The following CD300LB variants were observed in gnomAD, a reference collection of about 807,000 sequenced individuals.
The protein encoded by CD300LB is CD300 molecule like family member b.
CD300LB carries 18 observed loss-of-function variants against 20.8 expected under a neutral mutation model. The ratio of observed to expected loss-of-function variants is 0.87; its 90% CI spans 0.60 to 1.28. CD300LB has a LOEUF of 1.28. Ranked by LOEUF, CD300LB falls within the 50% of genes most tolerant of loss-of-function variation. The pLI is 0.00. For missense variants in CD300LB, 222 were observed against 251.8 expected (o/e 0.88, Z 0.80); for synonymous variants, 91 against 91.3 (o/e 1.00, Z 0.02).
Position 74,522,570 on chromosome 17 carries a change from C to T in CD300LB, c.*168G>A. 1 of 1,423,770 alleles carries T rather than the reference C, an allele frequency of 7.0e-7. No individual in the cohort carries two copies. Among genetic ancestry groups the T allele is most frequent in the South Asian group, 1.5e-5 (1 of 67,136 alleles). The allele number at this position is 1,423,770 out of a possible 1,614,324, so 88.2% of individuals were successfully genotyped here. On this transcript the variant is annotated 3_prime_UTR_variant, in exon 4 of 4. Coordinates refer to ENST00000392621, the MANE Select transcript of CD300LB (RefSeq NM_174892.4). The stretch of plus-strand genomic sequence containing the variant: ...GCTCAGGAGAGGACCTGGCTAAGTC[C>T]CTGAGCTGTGCAGAACAGGGAGGTG...
Position 74,525,809 on chromosome 17 carries a change from C to G in CD300LB, c.309G>C (p.Trp103Cys). Residue 103 changes from tryptophan (W) to cysteine (C), a missense_variant, in exon 2 of 4, where the codon TGG (tryptophan) becomes TGC (cysteine). Coordinates refer to ENST00000392621, the MANE Select transcript of CD300LB (RefSeq NM_174892.4). The stretch of plus-strand genomic sequence containing the variant: ...CAGGTCCTCTTCTTTCAATCCCACA[C>G]CAGTAAACATCTGCGTCATCTCGCC... Reference protein sequence around the residue: ...GLRRDDADVYWCGIERRGPDL... With the variant: ...GLRRDDADVYCCGIERRGPDL... 2 of 1,614,174 alleles carry G rather than the reference C, an allele frequency of 1.2e-6. No homozygotes were observed. The highest frequency in any genetic ancestry group is 1.7e-6 in the Non-Finnish European group (2 of 1,180,040).
At chr17:74,523,797 A>T in intron 2 of CD300LB, 146 bp from the exon 3 acceptor site, 1 of 652,574 alleles carries the variant, frequency 1.5e-6, no homozygotes, top group South Asian at 1.6e-5. Context: ...ACAGCCCCTC[A>T]TGCTTCTACT....
rs140942306 is a variant in CD300LB at position 74,521,696 on chromosome 17, C to G, written c.*1042G>C. On this transcript the variant is annotated 3_prime_UTR_variant, in exon 4 of 4. Transcript: ENST00000392621. The stretch of plus-strand genomic sequence containing the variant: ...CATGGGTGTTCAAAGGGCAACATGC[C>G]GAACATGTGTGGTGTGTTTGCTTGT... 1 of 985,180 alleles carries G rather than the reference C, an allele frequency of 1.0e-6. No individual in the cohort carries two copies. Among genetic ancestry groups the G allele is most frequent in the African/African-American group, 1.8e-5 (1 of 57,092 alleles). 61.0% of individuals were successfully genotyped at this position (985,180 alleles called of 1,614,324 possible).
In CD300LB at chr17:74,525,994, A is replaced by G. The variant is rs779424173; in HGVS notation, c.124T>C (p.Trp42Arg). ...CACCACCACTTAATGTAGGTCTCCC[A>G]TCCTTGCTTATAGTGGCATTGAACC... ...LTVQCHYKQG[W>R]ETYIKWWCRG... Residue 42 changes from tryptophan to arginine, a missense_variant, in exon 2 of 4, where the codon TGG (tryptophan) becomes CGG (arginine). Coordinates refer to ENST00000392621, the MANE Select transcript of CD300LB (RefSeq NM_174892.4). 1.2e-6 allele frequency: 2 copies of G among 1,614,102 alleles called. No homozygotes were observed. Among genetic ancestry groups the G allele is most frequent in the Admixed American group, 1.7e-5 (1 of 60,008 alleles).
intron 1 of CD300LB, among the ~76,000 whole-genome samples, chr17:74,529,174 T>G (rs1031549420): frequency 1.3e-5 from 2 of 152,162 alleles, no homozygotes; most frequent in Non-Finnish European, 2.9e-5. Flanking sequence ...GACTTGGATG[T>G]ATGTCCAACG....
At chr17:74,526,904 C>T (rs919290654) in intron 1 of CD300LB, among the ~76,000 whole-genome samples, 1 of 152,160 alleles carries the variant, frequency 6.6e-6, no homozygotes, top group African/African-American at 2.4e-5. Context: ...CCTCTCCAGC[C>T]TTCATCTTGT....
At chr17:74,523,193 T>G (rs1907934373) in intron 3 of CD300LB, 1 of 511,272 alleles carries the variant, frequency 2.0e-6, no homozygotes. Context: ...ATACAGGTTG[T>G]GTTTCCTGCC....
rs1907873962 is a variant in CD300LB at position 74,521,367 on chromosome 17, G to C, written c.*1371C>G. ...CGGATCTTCGGGAAGCTGGATCCAG[G>C]AAAGCATTCCAGGAGGTAGGGCCCT... On this transcript the variant is annotated 3_prime_UTR_variant, in exon 4 of 4. Transcript: ENST00000392621. The C allele has an allele frequency of 1.0e-6, 1 of 985,468 alleles. No individual in the cohort carries two copies. Among genetic ancestry groups the C allele is most frequent in the Non-Finnish European group, 1.2e-6 (1 of 830,058 alleles). 61.0% of individuals were successfully genotyped at this position (985,468 alleles called of 1,614,324 possible). A position where few individuals can be genotyped will look rare whatever the true frequency, so the allele number is the denominator to read the frequency against.
intron 3 of CD300LB, 112 bp from the exon 4 acceptor site, chr17:74,523,012 C>T: frequency 9.6e-7 from 1 of 1,038,926 alleles, no homozygotes; most frequent in East Asian, 2.6e-5. Context: ...GCCGGGCAGC[C>T]CCACTCTGAA....
chr17:74,523,156 C>T, intron 3 of CD300LB: 1 of 540,704 alleles, frequency 1.8e-6, no homozygotes, highest in East Asian at 3.1e-5. Context: ...TACATCTCAG[C>T]TCAACAGAAG....
Position 74,522,579 on chromosome 17 carries a change from T to C in CD300LB, c.*159A>G. ...AGGACCTGGCTAAGTCCCTGAGCTGTGCAGAACAGGGAGGTGCCCACCAGC... is the reference window on the plus strand; with the variant it reads ...AGGACCTGGCTAAGTCCCTGAGCTGCGCAGAACAGGGAGGTGCCCACCAGC... On this transcript the variant is annotated 3_prime_UTR_variant, in exon 4 of 4. Transcript: ENST00000392621. The C allele has an allele frequency of 6.9e-7, 1 of 1,445,462 alleles. No homozygotes were observed. Among genetic ancestry groups the C allele is most frequent in the Non-Finnish European group, 9.1e-7 (1 of 1,102,378 alleles). 89.5% of individuals were successfully genotyped at this position (1,445,462 alleles called of 1,614,324 possible).
chr17:74,525,726 G>T lies in CD300LB; in HGVS notation c.370+22C>A, dbSNP rs1908009704. On this transcript the variant is annotated intron_variant, in intron 2 of 3. Coordinates refer to ENST00000392621, the MANE Select transcript of CD300LB (RefSeq NM_174892.4). Reference sequence around the variant, plus strand: ...CAGCCCTGAGCTCCAGGGCCTCCTTGTGTAGATGAGAAAGTTCTTACCTGG... The same window carrying T: ...CAGCCCTGAGCTCCAGGGCCTCCTTTTGTAGATGAGAAAGTTCTTACCTGG... 2.5e-6 allele frequency: 4 copies of T among 1,604,818 alleles called. No homozygotes were observed. The East Asian group carries it at 6.7e-5, about 27-fold the overall frequency.
chr17:74,522,861 G>GATGAGCAA lies in CD300LB; in HGVS notation c.482_483insTTGCTCAT (p.Leu162CysfsTer14), dbSNP rs772442494. 1.2e-6 allele frequency: 2 copies of GATGAGCAA among 1,613,948 alleles called. No individual in the cohort carries two copies. The highest frequency in any genetic ancestry group is 2.7e-5 in the African/African-American group (2 of 74,890). On this transcript the variant is annotated frameshift_variant, in exon 4 of 4. Coordinates refer to ENST00000392621, the MANE Select transcript of CD300LB (RefSeq NM_174892.4). LOFTEE classifies it low-confidence loss of function (END_TRUNC). The stretch of plus-strand genomic sequence containing the variant: ...GGATGGCAGTGACCAAGATGAGCAA[G>GATGAGCAA]ATGGGCACCTTCACAAATACCAGGA...
chr17:74,521,758 G>A lies in CD300LB; in HGVS notation c.*980C>T, dbSNP rs1389723480. On this transcript the variant is annotated 3_prime_UTR_variant, in exon 4 of 4. Transcript: ENST00000392621. Reference sequence around the variant, plus strand: ...GGCGGGAGCACATCTCACATGGGAAGGTCCCTTTGGTGTGAGGGTCCCTCA... The same window carrying A: ...GGCGGGAGCACATCTCACATGGGAAAGTCCCTTTGGTGTGAGGGTCCCTCA... 1 of 985,598 alleles carries A rather than the reference G, an allele frequency of 1.0e-6. No individual in the cohort carries two copies. The allele number at this position is 985,598 out of a possible 1,614,324, so 61.1% of individuals were successfully genotyped here. A position where few individuals can be genotyped will look rare whatever the true frequency, so the allele number is the denominator to read the frequency against.
At chr17:74,523,150 T>C (rs2143059744) in intron 3 of CD300LB, 1 of 546,734 alleles carries the variant, frequency 1.8e-6, no homozygotes, top group Non-Finnish European at 3.3e-6. Flanking sequence ...CCAAAGTACA[T>C]CTCAGCTCAA....
At chr17:74,526,779 C>T (rs1035259507) in intron 1 of CD300LB, among the ~76,000 whole-genome samples, 10 of 152,212 alleles carry the variant, frequency 6.6e-5, no homozygotes, top group Admixed American at 5.9e-4. Context: ...AATACTCCCA[C>T]GGTGGCAGAT....
Position 74,521,817 on chromosome 17 carries a change from C to T in CD300LB, c.*921G>A. Reference sequence around the variant, plus strand: ...GCACAAAGTGACCACATTCAAGGGCCTCATCGCCGTGGGTGAAGCCTGTGA... The same window carrying T: ...GCACAAAGTGACCACATTCAAGGGCTTCATCGCCGTGGGTGAAGCCTGTGA... On this transcript the variant is annotated 3_prime_UTR_variant, in exon 4 of 4. Coordinates refer to ENST00000392621, the MANE Select transcript of CD300LB (RefSeq NM_174892.4). 2 of 985,524 alleles carry T rather than the reference C, an allele frequency of 2.0e-6. No homozygotes were observed. Among genetic ancestry groups the T allele is most frequent in the Non-Finnish European group, 1.2e-6 (1 of 829,976 alleles). 61.0% of individuals were successfully genotyped at this position (985,524 alleles called of 1,614,324 possible).
rs371016835 is a variant in CD300LB, at chr17:74,525,621, GTCTCTC to G, written c.370+121_370+126del. ...AGTTTGTCTGCCTGTCTGTCTGTCTGTCTCTCTCTCTCTCTCTCTTAGGCTCACCAT... is the reference window on the plus strand; with the variant it reads ...AGTTTGTCTGCCTGTCTGTCTGTCTGTCTCTCTCTCTCTTAGGCTCACCAT... On this transcript the variant is annotated intron_variant, in intron 2 of 3. Coordinates refer to ENST00000392621, the MANE Select transcript of CD300LB (RefSeq NM_174892.4). The G allele has an allele frequency of 1.9e-3, 1,368 of 726,258 alleles. 41 individuals are homozygous for G. In the East Asian group the frequency reaches 0.036, roughly 19 times the overall value. 45.0% of individuals were successfully genotyped at this position (726,258 alleles called of 1,614,324 possible). A position where few individuals can be genotyped will look rare whatever the true frequency, so the allele number is the denominator to read the frequency against.
intron 1 of CD300LB, among the ~76,000 whole-genome samples, chr17:74,530,572 CACACACACACACACACACA>C (rs1908174641): frequency 1.3e-5 from 2 of 151,380 alleles, no homozygotes; most frequent in African/African-American, 4.9e-5. Context: ...CACACACACA[CACACACACACACACACACA>C]CCCAACTCTC....
Sources: gnomAD v4.1 joint callset for allele counts (sites outside exome capture counted in the v4.1 genomes callset) on GRCh38, gnomAD v4.1.1 for gene constraint, MANE v1.5 for transcripts, NCBI Gene and HGNC (gene_info 2026-07-23, HGNC 2026-07-21) for gene names.